ITGAL: variants seen among roughly 807,000 people sequenced by gnomAD.
ITGAL encodes the protein integrin alpha-L.
ITGAL carries 68 observed loss-of-function variants against 138.4 expected under a neutral mutation model. That is an observed-to-expected ratio of 0.49 (90% CI 0.40 to 0.60). The LOEUF (loss-of-function observed/expected upper bound fraction) is 0.60. Ranked by LOEUF, ITGAL falls within the 20% of genes least tolerant of loss-of-function variation. ITGAL has a pLI of 0.00. For synonymous variants in ITGAL, 561 were observed against 584.3 expected (o/e 0.96, Z 0.57); for missense variants, 1,256 against 1,478.6 (o/e 0.85, Z 2.47).
At position 30,506,840 on chromosome 16, in the gene ITGAL, A is replaced by G; in HGVS notation, c.2492A>G (p.Lys831Arg). The G allele has an allele frequency of 1.9e-6, 3 of 1,613,868 alleles. No individual in the cohort carries two copies. Among genetic ancestry groups the G allele is most frequent in the Non-Finnish European group, 2.5e-6 (3 of 1,179,842 alleles). Residue 831 changes from lysine (K) to arginine (R), a missense_variant, in exon 21 of 31, where the codon AAG becomes AGG. Coordinates refer to ENST00000356798, the MANE Select transcript of ITGAL (RefSeq NM_002209.3). ...LHFPPGLSFR[K>R]VEMLKPHSQI... ...TTCCCCCCGGGACTCTCCTTCCGCA[A>G]GGTGGAGATGCTGAAGGTGGGTGAG...
chr16:30,515,570 TCTC>T (rs2051154485), intron 25 of ITGAL, among the ~76,000 whole-genome samples: 1 of 152,136 alleles, frequency 6.6e-6, no homozygotes, highest in African/African-American at 2.4e-5. Context: ...CAGCTCCTGT[TCTC>T]CTTCCCAGGC....
rs1337809923 is a variant in ITGAL at position 30,499,478 on chromosome 16, T to A, written c.2134T>A (p.Phe712Ile). 2 of 1,613,516 alleles carry A rather than the reference T, an allele frequency of 1.2e-6. No homozygotes were observed. Among genetic ancestry groups the A allele is most frequent in the Non-Finnish European group, 1.7e-6 (2 of 1,179,978 alleles). Reference protein sequence around the residue: ...TTSMSCTDFSFHFPVCVQDLI... With the variant: ...TTSMSCTDFSIHFPVCVQDLI... Reference sequence around the variant, plus strand: ...CAGCATGTCATGCACTGACTTCTCATTTCATTTCCCGGTAAGGGAGCCAGC... The same window carrying A: ...CAGCATGTCATGCACTGACTTCTCAATTCATTTCCCGGTAAGGGAGCCAGC... Residue 712 changes from phenylalanine (F) to isoleucine (I), a missense_variant, in exon 17 of 31, where the codon TTT becomes ATT. This residue lies in a region of ITGAL where 867 missense variants were observed against 972.5 expected (regional missense o/e 0.89). Coordinates refer to ENST00000356798, the MANE Select transcript of ITGAL (RefSeq NM_002209.3).
chr16:30,506,729 G>C lies in ITGAL; in HGVS notation c.2381G>C (p.Arg794Pro), dbSNP rs749865362. ...ATCCCCCACAGATCCAGAGCCCTGCGTCTAACTGCTTTTGCCAGCCTCTCT... is the reference window on the plus strand; with the variant it reads ...ATCCCCCACAGATCCAGAGCCCTGCCTCTAACTGCTTTTGCCAGCCTCTCT... ...SFSPARSRAL[R>P]LTAFASLSVE... Residue 794 changes from arginine (R) to proline (P), a missense_variant, in exon 21 of 31, where the codon CGT (arginine) becomes CCT (proline). Arg to Pro is a moderately radical substitution (Grantham distance 103, BLOSUM62 -2). Coordinates refer to ENST00000356798, the MANE Select transcript of ITGAL (RefSeq NM_002209.3). 3.1e-6 allele frequency: 5 copies of C among 1,613,506 alleles called. No individual in the cohort carries two copies. Among genetic ancestry groups the C allele is most frequent in the Non-Finnish European group, 4.2e-6 (5 of 1,179,842 alleles).
At chr16:30,520,501 C>T (rs991824453) in intron 30 of ITGAL, among the ~76,000 whole-genome samples, 2 of 152,178 alleles carry the variant, frequency 1.3e-5, no homozygotes, top group African/African-American at 4.8e-5. Context: ...AGAGCCAGGA[C>T]GAGGCGTCCT....
intron 11 of ITGAL, among the ~76,000 whole-genome samples, chr16:30,489,659 G>A (rs754232745): frequency 6.6e-6 from 1 of 152,132 alleles, no homozygotes; most frequent in Non-Finnish European, 1.5e-5. Flanking sequence ...CTTGTAGCTG[G>A]TCCTAGTGGC....
Position 30,479,191 on chromosome 16 carries a change from G to A in ITGAL, c.428G>A (p.Gly143Glu). ...AATCTGCAGGGTCCCATGCTGCAGG[G>A]GCGCCCTGGTTTTCAGGGTAAGGAA... ...RQNLQGPMLQ[G>E]RPGFQECIKG... is the part of the protein sequence containing the mutation. The change falls in exon 5 of 31, where the codon GGG (glycine) becomes GAG (glutamate). Residue 143 changes from glycine (G) to glutamate (E), a missense_variant. Physicochemically the swap from Gly to Glu is moderately conservative, Grantham distance 98. This residue lies in a region of ITGAL where 212 missense variants were observed against 217.4 expected (regional missense o/e 0.98). Coordinates refer to ENST00000356798, the MANE Select transcript of ITGAL (RefSeq NM_002209.3). 6.2e-7 allele frequency: 1 copy of A among 1,614,022 alleles called. No homozygotes were observed. The highest frequency in any genetic ancestry group is 1.1e-5 in the South Asian group (1 of 91,080).
chr16:30,496,333 G>T (rs779702552), intron 14 of ITGAL, 39 bp downstream of exon 14: 1 of 1,603,914 alleles, frequency 6.2e-7, no homozygotes, highest in South Asian at 1.1e-5. Flanking sequence ...CCATTCTCAG[G>T]TGCCCTAAGC....
At chr16:30,485,979 A>T (rs541048740) in intron 9 of ITGAL, among the ~76,000 whole-genome samples, 3 of 152,196 alleles carry the variant, frequency 2.0e-5, no homozygotes, top group African/African-American at 7.2e-5. Flanking sequence ...GCTGTCACTT[A>T]TCCAAGGCTC....
At chr16:30,514,735 A>G (rs2051141287) in intron 25 of ITGAL, among the ~76,000 whole-genome samples, 1 of 151,812 alleles carries the variant, frequency 6.6e-6, no homozygotes, top group Admixed American at 6.6e-5. Flanking sequence ...ATTCTAAGTT[A>G]GGTATTTAGC....
At chr16:30,508,209 ATTTTTT>A (rs71149036) in intron 21 of ITGAL, among the ~76,000 whole-genome samples, 1 of 95,096 alleles carries the variant, frequency 1.1e-5, no homozygotes, top group African/African-American at 4.3e-5. Flanking sequence ...CGCCCGGCCT[ATTTTTT>A]TTTTTTTTTT....
Position 30,505,287 on chromosome 16 carries a change from C to A in ITGAL, c.2279C>A (p.Ser760Ter). 5 of 1,612,660 alleles carry A rather than the reference C, an allele frequency of 3.1e-6. No homozygotes were observed. The highest frequency in any genetic ancestry group is 4.2e-6 in the Non-Finnish European group (5 of 1,179,356). ...CCCATCCTGAGACCCTCCCTGCACT[C>A]GGAAACCTGGGAGGTAAGAGGGGAG... is the stretch of plus-strand genomic sequence containing the variant. ...IPPILRPSLH[S>*]ETWEIPFEKN... The change falls in exon 19 of 31, where the codon TCG becomes TAG. Residue 760 changes from serine to a stop codon, truncating the protein, a stop_gained. Coordinates refer to ENST00000356798, the MANE Select transcript of ITGAL (RefSeq NM_002209.3). LOFTEE classifies it high-confidence loss of function.
intron 18 of ITGAL, chr16:30,504,895 C>T: frequency 5.9e-6 from 1 of 168,612 alleles, no homozygotes; most frequent in Non-Finnish European, 1.3e-5. Context: ...GTGGTAGATG[C>T]CTGTAATCCC....
chr16:30,479,496 A>G, intron 6 of ITGAL, 35 bp downstream of exon 6: 1 of 1,600,896 alleles, frequency 6.2e-7, no homozygotes, highest in Non-Finnish European at 8.5e-7. Flanking sequence ...GGTTGCATGC[A>G]ATAGATGCCT....
At chr16:30,499,315 CTT>C (rs762839766) in intron 16 of ITGAL, 21 bp from the exon 17 acceptor site, 123 of 1,613,834 alleles carry the variant, frequency 7.6e-5, no homozygotes, top group Non-Finnish European at 1.0e-4. Flanking sequence ...CCATTTAACT[CTT>C]GCCTTTTCCG....
At chr16:30,472,921 G>C (rs762759841) in intron 1 of ITGAL, 23 bp downstream of exon 1, 21 of 1,606,980 alleles carry the variant, frequency 1.3e-5, no homozygotes, top group Non-Finnish European at 1.7e-5. Flanking sequence ...GGAGGCAGGG[G>C]AAGGGACATG....
At chr16:30,510,055 T>C (rs888043324) in intron 21 of ITGAL, among the ~76,000 whole-genome samples, 1 of 39,742 alleles carries the variant, frequency 2.5e-5, no homozygotes, top group Non-Finnish European at 6.0e-5. Context: ...AAAAAAAAAT[T>C]TTTTTTAATA....
At chr16:30,493,968 CTTG>C (rs1401055895) in intron 11 of ITGAL, among the ~76,000 whole-genome samples, 2 of 152,200 alleles carry the variant, frequency 1.3e-5, no homozygotes, top group African/African-American at 2.4e-5. Flanking sequence ...CCACGCTCCA[CTTG>C]TTGTGCATAG....
Position 30,479,213 on chromosome 16 carries a change from G to A in ITGAL, c.445+5G>A. 1 of 1,613,918 alleles carries A rather than the reference G, an allele frequency of 6.2e-7. No homozygotes were observed. The highest frequency in any genetic ancestry group is 1.3e-5 in the African/African-American group (1 of 75,020). On this transcript the variant is annotated splice_donor_5th_base_variant and intron_variant, in intron 5 of 30. Coordinates refer to ENST00000356798, the MANE Select transcript of ITGAL (RefSeq NM_002209.3). Reference sequence around the variant, plus strand: ...AGGGGCGCCCTGGTTTTCAGGGTAAGGAACTGGGGACTCATTGGGTAAAAA... The same window carrying A: ...AGGGGCGCCCTGGTTTTCAGGGTAAAGAACTGGGGACTCATTGGGTAAAAA...
chr16:30,515,531 A>G (rs1201390541), intron 25 of ITGAL, among the ~76,000 whole-genome samples: 2 of 152,110 alleles, frequency 1.3e-5, no homozygotes, highest in African/African-American at 2.4e-5. Flanking sequence ...CAGGCCCCAT[A>G]GTGTGATCTT....
Sources: gnomAD v4.1 joint callset for allele counts (sites outside exome capture counted in the v4.1 genomes callset) on GRCh38, gnomAD v4.1.1 for gene constraint, gnomAD v4.1.1 regional missense constraint, MANE v1.5 for transcripts, NCBI Gene and HGNC (gene_info 2026-07-23, HGNC 2026-07-21) for gene names.